Variants in APAF1 observed in about 807,000 individuals in gnomAD.
APAF1 encodes the protein apoptotic protease-activating factor 1.
In APAF1, 91 loss-of-function variants were observed where a neutral mutation model predicts 152.4. That is an observed-to-expected ratio of 0.60 (90% CI 0.50 to 0.71). The LOEUF (loss-of-function observed/expected upper bound fraction) is 0.71, where lower values mean the gene tolerates loss of function less well. Among genes scored for constraint, APAF1 ranks in the 30% least tolerant of loss-of-function variants. APAF1 has a pLI of 0.00. For missense variants in APAF1, 1,283 were observed against 1,472.0 expected (o/e 0.87, Z 2.10); for synonymous variants, 484 against 494.1 (o/e 0.98, Z 0.27).
At chr12:98,672,252 C>T (rs1333733972) in intron 12 of APAF1, among the ~76,000 whole-genome samples, 1 of 152,056 alleles carries the variant, frequency 6.6e-6, no homozygotes, top group Non-Finnish European at 1.5e-5. Flanking sequence ...GCAACCTCTG[C>T]CTCCCGGATT....
chr12:98,680,365 G>A lies in APAF1; in HGVS notation c.2009G>A (p.Arg670Lys), dbSNP rs914658027. ...VLCCAFSTDD[R>K]FIATCSVDKK... is the part of the protein sequence containing the mutation. Reference sequence around the variant, plus strand: ...TGTTGTGCATTCTCTACAGATGACAGATTTATAGCAACCTGCTCAGTGGAT... The same window carrying A: ...TGTTGTGCATTCTCTACAGATGACAAATTTATAGCAACCTGCTCAGTGGAT... The change falls in exon 14 of 27, where the codon AGA becomes AAA. Residue 670 changes from arginine to lysine, a missense_variant. Transcript: ENST00000551964. 6.8e-6 allele frequency: 11 copies of A among 1,613,680 alleles called. No individual in the cohort carries two copies. In the African/African-American group the frequency reaches 1.5e-4, roughly 22 times the overall value.
At chr12:98,704,533 G>A (rs941284386) in intron 18 of APAF1, among the ~76,000 whole-genome samples, 1 of 152,198 alleles carries the variant, frequency 6.6e-6, no homozygotes, top group African/African-American at 2.4e-5. Context: ...GGGGAGAGTT[G>A]CTAAGCTATA....
rs555790344 is a variant in APAF1 at position 98,674,932 on chromosome 12, T to C, written c.1794-2493T>C. 4.6e-5 allele frequency among the ~76,000 whole-genome samples: 7 copies of C among 152,338 alleles called. No individual in the cohort carries two copies. The South Asian group carries it at 1.4e-3, about 32-fold the overall frequency. ...ATTTATGGAAGATTGAATGAACTCA[T>C]GTTTCAGTTAGTGGCTGAAATAGAA... On this transcript the variant is annotated intron_variant, in intron 12 of 26. Transcript: ENST00000551964.
At chr12:98,701,961 C>T (rs2097715888) in intron 17 of APAF1, among the ~76,000 whole-genome samples, 1 of 152,204 alleles carries the variant, frequency 6.6e-6, no homozygotes, top group Admixed American at 6.5e-5. Flanking sequence ...AAAAAATGAC[C>T]TATCTTGGGA....
intron 4 of APAF1, among the ~76,000 whole-genome samples, chr12:98,653,334 G>T (rs2097651275): frequency 6.6e-6 from 1 of 151,816 alleles, no homozygotes; most frequent in African/African-American, 2.4e-5. Context: ...TCTTTGGGTG[G>T]TGATTGGCAT....
intron 26 of APAF1, among the ~76,000 whole-genome samples, chr12:98,732,207 G>A (rs2097763180): frequency 6.6e-6 from 1 of 152,180 alleles, no homozygotes. Flanking sequence ...GTTGGAGTTG[G>A]GTGTAGGCGG....
In APAF1 at chr12:98,671,712, G is replaced by A. The variant is rs1478166133; in HGVS notation, c.1786G>A (p.Glu596Lys). The change falls in exon 12 of 27, where the codon GAA (glutamate) becomes AAA (lysine). Residue 596 changes from glutamate (E) to lysine (K), a missense_variant. Coordinates refer to ENST00000551964, the MANE Select transcript of APAF1 (RefSeq NM_181861.2). ...GGTCGATAATGGAATGCTTTACCTGGAATGGATGTAAGTAGGTTAGGAGAG... is the reference window on the plus strand; with the variant it reads ...GGTCGATAATGGAATGCTTTACCTGAAATGGATGTAAGTAGGTTAGGAGAG... ...QEVDNGMLYL[E>K]WINKKNITNL... is the part of the protein sequence containing the mutation. The A allele has an allele frequency of 6.2e-7, 1 of 1,614,060 alleles. No individual in the cohort carries two copies. Among genetic ancestry groups the A allele is most frequent in the Non-Finnish European group, 8.5e-7 (1 of 1,179,972 alleles).
intron 26 of APAF1, among the ~76,000 whole-genome samples, chr12:98,729,407 C>T (rs2097756678): frequency 2.0e-5 from 3 of 152,204 alleles, no homozygotes; most frequent in Admixed American, 1.3e-4. Flanking sequence ...CTAGATCCCT[C>T]GCATGTGCAG....
intron 26 of APAF1, among the ~76,000 whole-genome samples, chr12:98,728,375 G>T (rs560868612): frequency 1.1e-4 from 17 of 152,202 alleles, no homozygotes; most frequent in African/African-American, 4.1e-4. Context: ...TTCATTCTTG[G>T]TTTACAGATG....
chr12:98,709,258 A>C (rs1485755293), intron 20 of APAF1, among the ~76,000 whole-genome samples: 1 of 152,200 alleles, frequency 6.6e-6, no homozygotes, highest in Non-Finnish European at 1.5e-5. Flanking sequence ...TGTATAGTAC[A>C]ATTGAAAGAA....
At chr12:98,691,798 C>A (rs1232562225) in intron 16 of APAF1, among the ~76,000 whole-genome samples, 1 of 151,734 alleles carries the variant, frequency 6.6e-6, no homozygotes, top group African/African-American at 2.4e-5. Context: ...CTCTCTGATC[C>A]CTTCATTAAC....
At chr12:98,707,246 A>G (rs2097722388) in intron 19 of APAF1, among the ~76,000 whole-genome samples, 2 of 152,104 alleles carry the variant, frequency 1.3e-5, no homozygotes, top group South Asian at 4.1e-4. Context: ...CTCCCAGTTT[A>G]TTCCTACAGG....
At chr12:98,667,098 G>GTA (rs142822252) in intron 9 of APAF1, among the ~76,000 whole-genome samples, 12,617 of 150,262 alleles carry the variant, frequency 0.084, 699 homozygotes, top group East Asian at 0.24. Flanking sequence ...GAGATTCTCT[G>GTA]TATATATATA....
intron 20 of APAF1, among the ~76,000 whole-genome samples, chr12:98,709,597 T>C (rs1016054638): frequency 6.6e-6 from 1 of 152,104 alleles, no homozygotes; most frequent in Non-Finnish European, 1.5e-5. Flanking sequence ...AGCAGATGCC[T>C]CATGGAAGAT....
intron 10 of APAF1, among the ~76,000 whole-genome samples, chr12:98,667,881 C>G (rs955286356): frequency 1.3e-5 from 2 of 151,166 alleles, no homozygotes; most frequent in African/African-American, 4.9e-5. Context: ...AGTGATCCTC[C>G]CACTTCAGCC....
chr12:98,722,982 A>G (rs2097745121), intron 22 of APAF1, among the ~76,000 whole-genome samples: 1 of 152,188 alleles, frequency 6.6e-6, no homozygotes. Context: ...TTAGGAGGAA[A>G]AGTATTTTAT....
At chr12:98,679,000 C>T (rs1037869430) in intron 13 of APAF1, among the ~76,000 whole-genome samples, 12 of 152,144 alleles carry the variant, frequency 7.9e-5, no homozygotes, top group African/African-American at 2.4e-4. Flanking sequence ...TGGAAGGGGG[C>T]GGGTCACCAA....
chr12:98,696,833 G>A (rs2097710487), intron 16 of APAF1, among the ~76,000 whole-genome samples: 1 of 152,022 alleles, frequency 6.6e-6, no homozygotes, highest in Non-Finnish European at 1.5e-5. Context: ...TGTATTTATT[G>A]AATACTTAGT....
Position 98,725,519 on chromosome 12 carries a change from A to T in APAF1, c.3435A>T (p.Gly1145=). Residue 1145 remains glycine, a synonymous_variant, in exon 25 of 27, where the codon GGA becomes GGT. Coordinates refer to ENST00000551964, the MANE Select transcript of APAF1 (RefSeq NM_181861.2). ...TGGACAGTACCCTGCTGGCAACGGG[A>T]GATGACAATGGAGAAATCAGGGTAG... ...FSVDSTLLAT[G]DDNGEIRIWN... The T allele has an allele frequency of 6.2e-7, 1 of 1,614,110 alleles. No individual in the cohort carries two copies. Among genetic ancestry groups the T allele is most frequent in the Admixed American group, 1.7e-5 (1 of 60,028 alleles).
Sources: gnomAD v4.1 joint callset for allele counts (sites outside exome capture counted in the v4.1 genomes callset) on GRCh38, gnomAD v4.1.1 for gene constraint, MANE v1.5 for transcripts, NCBI Gene and HGNC (gene_info 2026-07-23, HGNC 2026-07-21) for gene names.